Variants in GSG1L observed in about 807,000 individuals in gnomAD.
GSG1L encodes the protein germ cell-specific gene 1-like protein.
In GSG1L, 24 loss-of-function variants were observed where a neutral mutation model predicts 42.1. That is an observed-to-expected ratio of 0.57 (90% CI 0.41 to 0.80). GSG1L has a LOEUF of 0.80. Among genes scored for constraint, GSG1L ranks in the 30% least tolerant of loss-of-function variants. GSG1L has a pLI of 0.00. For missense variants in GSG1L, 445 were observed against 472.2 expected, an observed-to-expected ratio of 0.94 and a Z score of 0.53; for synonymous variants, 215 against 203.5, an observed-to-expected ratio of 1.06 and a Z score of -0.48.
intron 2 of GSG1L, among the ~76,000 whole-genome samples, chr16:27,932,961 G>T (rs1193566161): frequency 6.6e-6 from 1 of 152,090 alleles, no homozygotes; most frequent in Non-Finnish European, 1.5e-5. Context: ...TCACAAGCAA[G>T]AAAAATAATG....
intron 1 of GSG1L, among the ~76,000 whole-genome samples, chr16:27,991,556 C>T (rs1436763451): frequency 6.6e-6 from 1 of 151,918 alleles, no homozygotes; most frequent in Admixed American, 6.6e-5. Context: ...AGGCATGCAC[C>T]ACCACGCCTG....
At chr16:27,795,084 G>C (rs990175962) in intron 6 of GSG1L, among the ~76,000 whole-genome samples, 15 of 152,108 alleles carry the variant, frequency 9.9e-5, no homozygotes, top group East Asian at 9.7e-4. Context: ...CTGGGGATGG[G>C]AGACAGCTTT....
intron 2 of GSG1L, among the ~76,000 whole-genome samples, chr16:27,902,700 A>G (rs1456112372): frequency 6.6e-6 from 1 of 152,080 alleles, no homozygotes; most frequent in Non-Finnish European, 1.5e-5. Flanking sequence ...ATCACATCCC[A>G]CCTCCTCCGC....
intron 1 of GSG1L, among the ~76,000 whole-genome samples, chr16:27,980,874 T>C (rs1337888654): frequency 7.4e-4 from 103 of 140,114 alleles, no homozygotes; most frequent in African/African-American, 2.6e-3. Flanking sequence ...GAGTGAGATG[T>C]CGTCTCAAAA....
chr16:27,992,816 G>C (rs1355797544), intron 1 of GSG1L, among the ~76,000 whole-genome samples: 2 of 152,114 alleles, frequency 1.3e-5, no homozygotes, highest in East Asian at 1.9e-4. Flanking sequence ...CCATGGCCCA[G>C]GGAGGGCCTT....
intron 2 of GSG1L, among the ~76,000 whole-genome samples, chr16:27,952,781 G>A (rs765394500): frequency 1.1e-4 from 17 of 152,224 alleles, no homozygotes; most frequent in Non-Finnish European, 1.3e-4. Context: ...TTTTAGCAAA[G>A]TATACAACAC....
At chr16:27,919,371 C>T (rs554585912) in intron 2 of GSG1L, among the ~76,000 whole-genome samples, 2 of 152,264 alleles carry the variant, frequency 1.3e-5, no homozygotes, top group African/African-American at 4.8e-5. Context: ...ACTCCATCTC[C>T]TACCATTCTC....
At chr16:27,804,228 G>A (rs764804129) in intron 6 of GSG1L, among the ~76,000 whole-genome samples, 5 of 151,906 alleles carry the variant, frequency 3.3e-5, no homozygotes, top group Non-Finnish European at 1.5e-5. Context: ...TCCTGCCACC[G>A]TCGGCCCCTC....
intron 2 of GSG1L, among the ~76,000 whole-genome samples, chr16:27,904,097 GT>G (rs58940219): frequency 0.013 from 2,010 of 151,986 alleles, 52 homozygotes; most frequent in African/African-American, 0.045. Context: ...GGTTTTGGAG[GT>G]TTTTTTTATC....
At chr16:27,976,326 C>T (rs776136491) in intron 1 of GSG1L, among the ~76,000 whole-genome samples, 2 of 152,132 alleles carry the variant, frequency 1.3e-5, no homozygotes, top group Non-Finnish European at 2.9e-5. Flanking sequence ...ACGGAGGCCA[C>T]ATGTTTTCAG....
intron 2 of GSG1L, among the ~76,000 whole-genome samples, chr16:27,925,973 A>G (rs1223915329): frequency 6.6e-6 from 1 of 152,262 alleles, no homozygotes; most frequent in Non-Finnish European, 1.5e-5. Flanking sequence ...GGGGGAAAAA[A>G]TTAGCTGAAT....
intron 1 of GSG1L, among the ~76,000 whole-genome samples, chr16:28,023,702 C>T (rs1229591949): frequency 6.6e-6 from 1 of 152,172 alleles, no homozygotes; most frequent in African/African-American, 2.4e-5. Context: ...GAAACTGAGG[C>T]TCAGTGAGCT....
intron 5 of GSG1L, among the ~76,000 whole-genome samples, chr16:27,826,318 A>G (rs73517384): frequency 0.03 from 4,497 of 149,220 alleles, 247 homozygotes; most frequent in African/African-American, 0.11. Context: ...TCTGACTGAA[A>G]CCCTCCCAAG....
intron 1 of GSG1L, among the ~76,000 whole-genome samples, chr16:27,982,484 C>G (rs903647802): frequency 6.6e-6 from 1 of 152,156 alleles, no homozygotes; most frequent in Non-Finnish European, 1.5e-5. Flanking sequence ...AATGGGTGTA[C>G]TCTCTCTTTC....
chr16:27,803,946 G>T (rs2082921772), intron 6 of GSG1L, among the ~76,000 whole-genome samples: 1 of 151,670 alleles, frequency 6.6e-6, no homozygotes, highest in East Asian at 1.9e-4. Flanking sequence ...AGATTAGATA[G>T]ATGGTAAGAT....
chr16:27,834,249 G>A (rs574960137), intron 4 of GSG1L, among the ~76,000 whole-genome samples: 1 of 152,232 alleles, frequency 6.6e-6, no homozygotes, highest in East Asian at 1.9e-4. Flanking sequence ...GACACTGACT[G>A]ATTTTTCAAA....
chr16:27,867,904 T>A (rs959242690), intron 3 of GSG1L, among the ~76,000 whole-genome samples: 2 of 152,172 alleles, frequency 1.3e-5, no homozygotes, highest in Non-Finnish European at 2.9e-5. Context: ...TGTCCCAACC[T>A]CCTTGCGTTT....
intron 1 of GSG1L, among the ~76,000 whole-genome samples, chr16:27,982,808 G>C (rs974511199): frequency 2.6e-5 from 4 of 152,124 alleles, no homozygotes; most frequent in Non-Finnish European, 4.4e-5. Context: ...TTAACAACCA[G>C]ATCTTGCATG....
At chr16:27,945,475 C>G (rs909315547) in intron 2 of GSG1L, among the ~76,000 whole-genome samples, 1 of 152,166 alleles carries the variant, frequency 6.6e-6, no homozygotes, top group Non-Finnish European at 1.5e-5. Context: ...CACATGGGAC[C>G]CTTTCTCTGC....
Sources: allele counts gnomAD v4.1 joint callset (sites outside exome capture counted in the v4.1 genomes callset), GRCh38; gene constraint gnomAD v4.1.1; transcripts MANE v1.5; gene names NCBI Gene and HGNC (gene_info 2026-07-23, HGNC 2026-07-21).